Variants in BTD observed in about 807,000 individuals in gnomAD.
BTD encodes biocytinase.
In BTD, 13 loss-of-function variants were observed where a neutral mutation model predicts 17.7. That is an observed-to-expected ratio of 0.74 (90% confidence interval 0.48 to 1.17). The LOEUF (loss-of-function observed/expected upper bound fraction) is 1.17, where lower values mean the gene tolerates loss of function less well. Among genes scored for constraint, BTD ranks in the 50% most tolerant of loss-of-function variants. BTD has a pLI of 0.00. For synonymous variants in BTD, 240 were observed against 245.2 expected (o/e 0.98, Z 0.20); for missense variants, 674 against 650.4 (o/e 1.04, Z -0.39).
intron 1 of BTD, among the ~76,000 whole-genome samples, chr3:15,602,761 C>A (rs950812205): frequency 6.6e-6 from 1 of 151,946 alleles, no homozygotes; most frequent in African/African-American, 2.4e-5. Context: ...AAAGGTCTTC[C>A]CCTCTTTTTC....
In BTD at chr3:15,627,777, A is replaced by G. The variant is rs775098398; in HGVS notation, c.-16-7647A>G. Among the ~76,000 whole-genome samples the G allele has an allele frequency of 6.6e-5, 10 of 152,302 alleles. No individual in the cohort carries two copies. In the East Asian group the frequency reaches 1.7e-3, roughly 26 times the overall value. ...GCTCTTATTGCCCAGGCTGGAGTGC[A>G]ATGGCACGATCTCGGCTCACTGCAA... On this transcript the variant is annotated intron_variant, in intron 1 of 3. Transcript: ENST00000643237.
At chr3:15,698,474 T>C (rs914571139) in intron 3 of BTD, among the ~76,000 whole-genome samples, 1 of 152,220 alleles carries the variant, frequency 6.6e-6, no homozygotes, top group Non-Finnish European at 1.5e-5. Flanking sequence ...ATGACATGAA[T>C]GTATATTTAG....
At position 15,675,202 on chromosome 3, in the gene BTD, C is replaced by T. The variant is rs892527831; in HGVS notation, c.399+33145C>T. ...ATGAGAATCGCTTGAACCCAGGAGG[C>T]GGAGGTTGCAGTAAGCCGAGATCAT... On this transcript the variant is annotated intron_variant, in intron 3 of 3. Transcript: ENST00000672141. Among the ~76,000 whole-genome samples the T allele has an allele frequency of 2.6e-5, 4 of 152,054 alleles. No individual in the cohort carries two copies. In the South Asian group the frequency reaches 6.2e-4, roughly 24 times the overall value.
chr3:15,674,563 T>C (rs1048975725), intron 3 of BTD, among the ~76,000 whole-genome samples: 2 of 152,178 alleles, frequency 1.3e-5, no homozygotes, highest in Non-Finnish European at 2.9e-5. Context: ...CGTGGATATA[T>C]AGAGACTGTG....
chr3:15,644,165 T>A lies in BTD; in HGVS notation c.400-151T>A, dbSNP rs1044210178. 7 of 777,746 alleles carry A rather than the reference T, an allele frequency of 9.0e-6. No individual in the cohort carries two copies. The African/African-American group carries it at 1.2e-4, about 14-fold the overall frequency. 48.2% of individuals were successfully genotyped at this position (777,746 alleles called of 1,614,324 possible). On this transcript the variant is annotated intron_variant, in intron 3 of 3. Coordinates refer to ENST00000643237, the MANE Select transcript of BTD (RefSeq NM_001370658.1). ...ACAGGCATCCACCACCACGCCCGGC[T>A]AATTTTTTGTATTTTTAGTTGAGAT...
intron 3 of BTD, chr3:15,676,637 C>T: frequency 1.0e-5 from 2 of 200,074 alleles, no homozygotes; most frequent in Non-Finnish European, 2.0e-5. Flanking sequence ...AGCTTCTTAC[C>T]TCATTTATTG....
At chr3:15,707,653 T>C (rs1301777827) in intron 3 of BTD, among the ~76,000 whole-genome samples, 1 of 152,202 alleles carries the variant, frequency 6.6e-6, no homozygotes, top group Non-Finnish European at 1.5e-5. Flanking sequence ...ATAAAAGTGA[T>C]ATTAAGATGC....
chr3:15,696,298 A>G, intron 3 of BTD: 1 of 1,172,378 alleles, frequency 8.5e-7, no homozygotes. Flanking sequence ...CATATTAACC[A>G]ATGATAAAAA....
chr3:15,706,594 G>A (rs1325052871), intron 3 of BTD, among the ~76,000 whole-genome samples: 1 of 151,904 alleles, frequency 6.6e-6, no homozygotes, highest in Non-Finnish European at 1.5e-5. Flanking sequence ...TAATCCTTTG[G>A]GTATATACCC....
intron 3 of BTD, among the ~76,000 whole-genome samples, chr3:15,642,580 G>A (rs1235300935): frequency 1.3e-5 from 2 of 149,958 alleles, no homozygotes; most frequent in East Asian, 2.0e-4. Flanking sequence ...TCAGCCTCCC[G>A]AGTAGCTGGG....
chr3:15,641,330 G>A (rs1433070780), intron 2 of BTD, among the ~76,000 whole-genome samples: 1 of 152,156 alleles, frequency 6.6e-6, no homozygotes, highest in Non-Finnish European at 1.5e-5. Context: ...TCCTAACCTT[G>A]GCTACAAATG....
intron 2 of BTD, among the ~76,000 whole-genome samples, chr3:15,637,591 C>T (rs747359275): frequency 2.6e-5 from 4 of 152,176 alleles, no homozygotes; most frequent in Non-Finnish European, 5.9e-5. Flanking sequence ...ATATGATACA[C>T]ACCTCATTTA....
intron 3 of BTD, among the ~76,000 whole-genome samples, chr3:15,701,911 C>T (rs2070687626): frequency 6.6e-6 from 1 of 152,136 alleles, no homozygotes; most frequent in Non-Finnish European, 1.5e-5. Context: ...GAATACTTTA[C>T]AGGCAAAAAC....
At chr3:15,623,882 G>A (rs1161139345) in intron 1 of BTD, among the ~76,000 whole-genome samples, 1 of 152,188 alleles carries the variant, frequency 6.6e-6, no homozygotes, top group Non-Finnish European at 1.5e-5. Flanking sequence ...CATGCTTCTT[G>A]TACAGCCTGT....
At chr3:15,710,649 A>C (rs2072142958) in exon 4 of BTD, among the ~76,000 whole-genome samples, 1 of 152,226 alleles carries the variant, frequency 6.6e-6, no homozygotes, top group African/African-American at 2.4e-5. Flanking sequence ...AATTATCAGA[A>C]GCATTAGATA....
chr3:15,696,148 G>C, intron 3 of BTD: 4 of 1,580,984 alleles, frequency 2.5e-6, no homozygotes, highest in South Asian at 1.1e-5. Flanking sequence ...TGAAGACATA[G>C]ACGGTGACCA....
At position 15,644,802 on chromosome 3, in the gene BTD, C is replaced by T; in HGVS notation, c.886C>T (p.Pro296Ser). 2 of 1,614,194 alleles carry T rather than the reference C, an allele frequency of 1.2e-6. No homozygotes were observed. The highest frequency in any genetic ancestry group is 2.2e-5 in the East Asian group (1 of 44,886). ...LGMTGSGIHT[P>S]LESFWYHDME... is the part of the protein sequence containing the mutation. ...GATGACAGGAAGTGGCATACACACC[C>T]CTCTGGAGTCCTTTTGGTACCATGA... Residue 296 changes from proline (P) to serine (S), a missense_variant, in exon 4 of 4, where the codon CCT (proline) becomes TCT (serine). By Grantham distance (74) the Pro-to-Ser change is moderately conservative (BLOSUM62 -1). Coordinates refer to ENST00000643237, the MANE Select transcript of BTD (RefSeq NM_001370658.1).
At chr3:15,668,351 CTTGAT>C (rs1403591687) in intron 3 of BTD, 2 of 150,268 alleles carry the variant, frequency 1.3e-5, no homozygotes, top group Non-Finnish European at 3.0e-5. Flanking sequence ...TTAGAATCTG[CTTGAT>C]TTTTTTTTTT....
intron 1 of BTD, among the ~76,000 whole-genome samples, chr3:15,618,179 G>A (rs1163944880): frequency 6.6e-6 from 1 of 152,122 alleles, no homozygotes; most frequent in Non-Finnish European, 1.5e-5. Context: ...GCCCAGGCTG[G>A]TGGTCTCAAA....
Sources: allele counts gnomAD v4.1 joint callset (sites outside exome capture counted in the v4.1 genomes callset), GRCh38; gene constraint gnomAD v4.1.1; transcripts MANE v1.5; gene names NCBI Gene and HGNC (gene_info 2026-07-23, HGNC 2026-07-21).